The following PRKG1 variants were observed in gnomAD, a reference collection of about 807,000 sequenced individuals.
PRKG1 encodes the protein protein kinase cGMP-dependent 1.
PRKG1 carries 35 observed loss-of-function variants against 88.1 expected under a neutral mutation model. The ratio of observed to expected loss-of-function variants is 0.40; its 90% CI spans 0.30 to 0.53. The LOEUF is 0.53. PRKG1 is among the 20% of genes least tolerant of loss of function. PRKG1 has a pLI of 0.59. For synonymous variants in PRKG1, 303 were observed against 292.5 expected (o/e 1.04, Z -0.37); for missense variants, 540 against 839.8 (o/e 0.64, Z 4.41).
chr10:51,243,014 C>T (rs1462963240), intron 2 of PRKG1, among the ~76,000 whole-genome samples: 1 of 152,102 alleles, frequency 6.6e-6, no homozygotes, highest in Non-Finnish European at 1.5e-5. Flanking sequence ...ACTAGGTCTT[C>T]AATGGCATGC....
At chr10:51,940,234 C>G (rs1230934075) in intron 5 of PRKG1, among the ~76,000 whole-genome samples, 1 of 151,750 alleles carries the variant, frequency 6.6e-6, no homozygotes, top group Non-Finnish European at 1.5e-5. Context: ...ATTTGGGACT[C>G]TGTCTTATTT....
intron 5 of PRKG1, among the ~76,000 whole-genome samples, chr10:52,016,582 G>T (rs990911282): frequency 2.6e-5 from 4 of 152,154 alleles, no homozygotes; most frequent in African/African-American, 9.7e-5. Flanking sequence ...GTGGTTATTG[G>T]GGAAACAGCT....
intron 1 of PRKG1, among the ~76,000 whole-genome samples, chr10:51,038,406 A>C (rs1190639477): frequency 6.6e-6 from 1 of 152,198 alleles, no homozygotes. Context: ...TGTGCTGTCA[A>C]ATACTAAATC....
intron 2 of PRKG1, among the ~76,000 whole-genome samples, chr10:51,445,390 T>C (rs1389073641): frequency 2.0e-5 from 3 of 148,182 alleles, no homozygotes; most frequent in African/African-American, 7.3e-5. Context: ...GTGGAAATTA[T>C]GTTAATAAAA....
chr10:51,440,361 G>A (rs900086930), intron 2 of PRKG1, among the ~76,000 whole-genome samples: 2 of 151,804 alleles, frequency 1.3e-5, no homozygotes, highest in Non-Finnish European at 2.9e-5. Flanking sequence ...ACTTATGATA[G>A]GGTTACATTC....
chr10:52,052,300 C>T (rs1846006095), intron 5 of PRKG1, among the ~76,000 whole-genome samples: 1 of 152,000 alleles, frequency 6.6e-6, no homozygotes, highest in Non-Finnish European at 1.5e-5. Context: ...GCTGGAAAGG[C>T]ACACTGGTTC....
At chr10:52,130,686 TAAGTC>T (rs1273835791) in intron 7 of PRKG1, among the ~76,000 whole-genome samples, 5 of 152,166 alleles carry the variant, frequency 3.3e-5, no homozygotes, top group Non-Finnish European at 7.4e-5. Flanking sequence ...AACTAAGAAA[TAAGTC>T]ATTCACATAA....
intron 3 of PRKG1, among the ~76,000 whole-genome samples, chr10:51,507,004 A>G (rs1841230714): frequency 6.6e-6 from 1 of 152,120 alleles, no homozygotes; most frequent in Admixed American, 6.6e-5. Context: ...CTTTGTAGGG[A>G]CATGGATGAA....
At chr10:51,340,644 C>CT (rs1841984090) in intron 2 of PRKG1, among the ~76,000 whole-genome samples, 1 of 152,164 alleles carries the variant, frequency 6.6e-6, no homozygotes, top group Non-Finnish European at 1.5e-5. Flanking sequence ...CACTCCTAAG[C>CT]CAAACCAATA....
chr10:51,563,912 G>T (rs903427997), intron 3 of PRKG1, among the ~76,000 whole-genome samples: 7 of 152,096 alleles, frequency 4.6e-5, no homozygotes, highest in African/African-American at 1.7e-4. Context: ...TACTGATAAA[G>T]ACCCAGATAC....
intron 3 of PRKG1, chr10:51,697,648 C>A: frequency 2.5e-6 from 4 of 1,577,638 alleles, no homozygotes; most frequent in Non-Finnish European, 3.5e-6. Flanking sequence ...ACCCATTCTC[C>A]ATGCTACAGA....
chr10:51,142,973 T>C (rs1387148183), intron 1 of PRKG1, among the ~76,000 whole-genome samples: 10 of 152,146 alleles, frequency 6.6e-5, no homozygotes. Context: ...ATAGTTATCA[T>C]TTTTATGGTG....
At chr10:51,163,848 C>A (rs987460261) in intron 2 of PRKG1, among the ~76,000 whole-genome samples, 1 of 152,184 alleles carries the variant, frequency 6.6e-6, no homozygotes, top group South Asian at 2.1e-4. Flanking sequence ...GGGGGAGGGG[C>A]GCCTGCCATT....
intron 3 of PRKG1, among the ~76,000 whole-genome samples, chr10:51,654,433 T>C (rs1268410600): frequency 6.6e-6 from 1 of 152,162 alleles, no homozygotes; most frequent in Non-Finnish European, 1.5e-5. Flanking sequence ...TGTAGCTTCG[T>C]CATGTATCTT....
At chr10:52,211,029 A>G (rs1839958177) in intron 9 of PRKG1, among the ~76,000 whole-genome samples, 1 of 152,200 alleles carries the variant, frequency 6.6e-6, no homozygotes, top group Non-Finnish European at 1.5e-5. Flanking sequence ...CATTTACTGA[A>G]CATGTGTCGG....
chr10:50,999,780 A>T (rs953704130), intron 1 of PRKG1, among the ~76,000 whole-genome samples: 2 of 152,206 alleles, frequency 1.3e-5, no homozygotes, highest in African/African-American at 4.8e-5. Context: ...CATGTATCAC[A>T]TGGTCACCAA....
intron 7 of PRKG1, among the ~76,000 whole-genome samples, chr10:52,093,785 C>T (rs1847111341): frequency 6.6e-6 from 1 of 152,046 alleles, no homozygotes; most frequent in South Asian, 2.1e-4. Context: ...CTAAGAAACC[C>T]AACTGTTATA....
chr10:52,263,020 G>A (rs1433093617), intron 10 of PRKG1, among the ~76,000 whole-genome samples: 1 of 152,058 alleles, frequency 6.6e-6, no homozygotes, highest in African/African-American at 2.4e-5. Context: ...GCAGAAAGCT[G>A]ACTGTACCTA....
chr10:52,200,169 A>G (rs1589694543), intron 9 of PRKG1, among the ~76,000 whole-genome samples: 1 of 152,130 alleles, frequency 6.6e-6, no homozygotes, highest in African/African-American at 2.4e-5. Context: ...AGTAATAACC[A>G]TAGTATCTAA....
Sources: gnomAD v4.1 joint callset for allele counts (sites outside exome capture counted in the v4.1 genomes callset) on GRCh38, gnomAD v4.1.1 for gene constraint, MANE v1.5 for transcripts, NCBI Gene and HGNC (gene_info 2026-07-23, HGNC 2026-07-21) for gene names.